KIF14: variants seen among roughly 807,000 people sequenced by gnomAD.
KIF14 encodes kinesin-like protein KIF14.
Under a neutral mutation model 176.2 loss-of-function variants are expected in KIF14, and 98 were observed. That is an observed-to-expected ratio of 0.56 (90% CI 0.47 to 0.66). KIF14 has a LOEUF of 0.66. Ranked by LOEUF, KIF14 falls within the 30% of genes least tolerant of loss-of-function variation. The pLI, the probability that KIF14 is intolerant of heterozygous loss-of-function variation, is 0.00. For missense variants in KIF14, 1,751 were observed against 1,920.4 expected (o/e 0.91, Z 1.65); for synonymous variants, 566 against 632.2 (o/e 0.90, Z 1.57).
At chr1:200,557,193 G>A (rs1350283382) in intron 27 of KIF14, among the ~76,000 whole-genome samples, 3 of 151,980 alleles carry the variant, frequency 2.0e-5, no homozygotes, top group African/African-American at 4.8e-5. Flanking sequence ...TAGTAGACAC[G>A]GGGTTTCACC....
In KIF14 at chr1:200,553,590, A is replaced by G. The variant is rs752735134; in HGVS notation, c.4745T>C (p.Phe1582Ser). 2 of 1,614,024 alleles carry G rather than the reference A, an allele frequency of 1.2e-6. No homozygotes were observed. Among genetic ancestry groups the G allele is most frequent in the East Asian group, 4.5e-5 (2 of 44,882 alleles). ...ESLAKSLLFCFESEESPDLLK... is the reference protein window; with the variant it reads ...ESLAKSLLFCSESEESPDLLK... ...CAAATCAGGGCTTTCTTCAGATTCA[A>G]AACAAAAGAGGAGAGACTTAGCTAG... Residue 1582 changes from phenylalanine (F) to serine (S), a missense_variant, in exon 30 of 30, where the codon TTT becomes TCT. Coordinates refer to ENST00000367350, the MANE Select transcript of KIF14 (RefSeq NM_014875.3).
chr1:200,569,141 T>C (rs994815413), intron 23 of KIF14, among the ~76,000 whole-genome samples: 4 of 152,124 alleles, frequency 2.6e-5, no homozygotes, highest in Admixed American at 2.0e-4. Context: ...TTCAGGCTGG[T>C]CTTGAACTCC....
chr1:200,609,522 G>A (rs1165943891), intron 4 of KIF14, among the ~76,000 whole-genome samples: 5 of 152,244 alleles, frequency 3.3e-5, no homozygotes, highest in Middle Eastern at 3.4e-3. Context: ...GGTGCCGGGC[G>A]CCTGTAATCC....
chr1:200,560,997 G>C, intron 25 of KIF14, 117 bp from the exon 26 acceptor site: 1 of 838,980 alleles, frequency 1.2e-6, no homozygotes, highest in Middle Eastern at 3.3e-4. Context: ...TTGGGAGGCC[G>C]AGGCGGGTGG....
At chr1:200,613,716 T>C (rs1313891550) in intron 4 of KIF14, among the ~76,000 whole-genome samples, 1 of 151,976 alleles carries the variant, frequency 6.6e-6, no homozygotes, top group East Asian at 1.9e-4. Flanking sequence ...CATGCACATA[T>C]ATGTCCCTGC....
rs1273461571 is a variant in KIF14, at chr1:200,554,562, T to C, written c.4473A>G (p.Gln1491=). The C allele has an allele frequency of 6.4e-7, 1 of 1,555,796 alleles. No homozygotes were observed. Residue 1491 remains glutamine (Q), a synonymous_variant, in exon 29 of 30, where the codon CAA becomes CAG. Transcript: ENST00000367350. Reference sequence around the variant, plus strand: ...CACGATTAACCATCCTCTTGAAATCTTGGTATTCAAAGTTTTCTTCTTGTA... The same window carrying C: ...CACGATTAACCATCCTCTTGAAATCCTGGTATTCAAAGTTTTCTTCTTGTA... ...RQVQEENFEY[Q]DFKRMVNRAP...
At position 200,553,855 on chromosome 1, in the gene KIF14, A is replaced by C. The variant is rs1438224088; in HGVS notation, c.4568-88T>G. 5 of 1,298,348 alleles carry C rather than the reference A, an allele frequency of 3.9e-6. No homozygotes were observed. In the East Asian group the frequency reaches 1.2e-4, roughly 30 times the overall value. 80.4% of individuals were successfully genotyped at this position (1,298,348 alleles called of 1,614,324 possible). A position where few individuals can be genotyped will look rare whatever the true frequency, so the allele number is the denominator to read the frequency against. On this transcript the variant is annotated intron_variant, in intron 29 of 29. Coordinates refer to ENST00000367350, the MANE Select transcript of KIF14 (RefSeq NM_014875.3). ...CTTTTATAGACTCTAGATATCTTTT[A>C]AGTCAAAGTGACCCTATCAAAACAA...
chr1:200,618,752 T>C lies in KIF14; in HGVS notation c.-29A>G, dbSNP rs186616797. On this transcript the variant is annotated 5_prime_UTR_variant, in exon 2 of 30. Transcript: ENST00000367350. ...GGCAGACAGTTATTTTAAAAAAGAA[T>C]GTTACTAAGACCCTAAGCTCTTCTT... 1 of 1,541,180 alleles carries C rather than the reference T, an allele frequency of 6.5e-7. No individual in the cohort carries two copies. Among genetic ancestry groups the C allele is most frequent in the African/African-American group, 1.4e-5 (1 of 73,482 alleles).
At position 200,552,100 on chromosome 1, in the gene KIF14, T is replaced by C. The variant is rs1656562250; in HGVS notation, c.*1288A>G. The C allele has an allele frequency of 6.6e-6, 1 of 152,232 alleles. No individual in the cohort carries two copies. Among genetic ancestry groups the C allele is most frequent in the African/African-American group, 2.4e-5 (1 of 41,466 alleles). The allele number at this position is 152,232 out of a possible 1,614,324, so 9.4% of individuals were successfully genotyped here. ...CTAGTTATGCCAAATGTACAAGTAG[T>C]ATCTGTAAATTCGAAAAGGGCAAAT... is the stretch of plus-strand genomic sequence containing the variant. On this transcript the variant is annotated 3_prime_UTR_variant, in exon 30 of 30. Transcript: ENST00000367350.
chr1:200,553,466 C>T lies in KIF14; in HGVS notation c.4869G>A (p.Lys1623=), dbSNP rs556918213. 3.3e-5 allele frequency: 53 copies of T among 1,613,904 alleles called. No homozygotes were observed. Among genetic ancestry groups the T allele is most frequent in the Non-Finnish European group, 4.3e-5 (51 of 1,180,042 alleles). ...IDGSKNKGVP[K]RVYELHGSSP... ...ATGAGCCATGGAGCTCATAGACACG[C>T]TTTGGTACACCTTTATTCTTACTGC... The change falls in exon 30 of 30, where the codon AAG becomes AAA. Residue 1623 remains lysine, a synonymous_variant. Transcript: ENST00000367350.
In KIF14 at chr1:200,572,826, C is replaced by T. The variant is rs375245733; in HGVS notation, c.3566+2765G>A. On this transcript the variant is annotated intron_variant, in intron 22 of 29. Coordinates refer to ENST00000367350, the MANE Select transcript of KIF14 (RefSeq NM_014875.3). The stretch of plus-strand genomic sequence containing the variant: ...GTCTGGTTTAAATTTTTGGGTTACT[C>T]TAGGTTGGCTTAAATATCTCAAGCT... Among the ~76,000 whole-genome samples the T allele has an allele frequency of 5.3e-5, 8 of 152,240 alleles. No individual in the cohort carries two copies. The East Asian group carries it at 1.2e-3, about 22-fold the overall frequency.
intron 21 of KIF14, 46 bp downstream of exon 21, chr1:200,580,208 T>A: frequency 9.3e-7 from 1 of 1,074,940 alleles, no homozygotes; most frequent in South Asian, 2.9e-5. Context: ...ACTTTTATAC[T>A]TTTTTATTTT....
chr1:200,613,925 C>G (rs1660279930), intron 4 of KIF14, among the ~76,000 whole-genome samples: 1 of 152,158 alleles, frequency 6.6e-6, no homozygotes, highest in South Asian at 2.1e-4. Context: ...ACTCTGGGTT[C>G]AAATCCCAAT....
At chr1:200,594,991 G>T (rs6673474) in intron 14 of KIF14, among the ~76,000 whole-genome samples, 120,822 of 152,090 alleles carry the variant, frequency 0.79, 48,334 homozygotes, top group African/African-American at 0.89. Flanking sequence ...CATTCTGGAC[G>T]CCCCACAATC....
chr1:200,558,490 G>A (rs1033667541), intron 27 of KIF14, among the ~76,000 whole-genome samples: 8 of 152,084 alleles, frequency 5.3e-5, no homozygotes, highest in Non-Finnish European at 1.2e-4. Context: ...GGGTAATTAG[G>A]CAAAATACTC....
At chr1:200,556,520 T>C (rs1198566187) in intron 27 of KIF14, among the ~76,000 whole-genome samples, 2 of 152,134 alleles carry the variant, frequency 1.3e-5, no homozygotes, top group Non-Finnish European at 2.9e-5. Flanking sequence ...TGTCATACTA[T>C]AGAAAGAAAA....
In KIF14 at chr1:200,589,199, G is replaced by C; in HGVS notation, c.3114+18C>G. 6.3e-7 allele frequency: 1 copy of C among 1,581,198 alleles called. No homozygotes were observed. The highest frequency in any genetic ancestry group is 8.6e-7 in the Non-Finnish European group (1 of 1,162,256). The stretch of plus-strand genomic sequence containing the variant: ...CTTTTTCTCAGAATAGAGTTAACTG[G>C]TTACACAATAAAATTACCTGTTTTG... On this transcript the variant is annotated intron_variant, in intron 18 of 29. Coordinates refer to ENST00000367350, the MANE Select transcript of KIF14 (RefSeq NM_014875.3).
intron 16 of KIF14, 139 bp from the exon 17 acceptor site, chr1:200,590,411 T>G: frequency 1.2e-6 from 1 of 801,734 alleles, no homozygotes; most frequent in South Asian, 2.6e-5. Context: ...CTATCAACAG[T>G]GTTTTTAAAA....
chr1:200,609,806 A>G (rs1660063988), intron 4 of KIF14, among the ~76,000 whole-genome samples: 1 of 152,258 alleles, frequency 6.6e-6, no homozygotes, highest in Non-Finnish European at 1.5e-5. Context: ...ATGTCCATCA[A>G]CTGATGAATG....
Sources: allele counts gnomAD v4.1 joint callset (sites outside exome capture counted in the v4.1 genomes callset), GRCh38; gene constraint gnomAD v4.1.1; transcripts MANE v1.5; gene names NCBI Gene and HGNC (gene_info 2026-07-23, HGNC 2026-07-21).